Variants in KIRREL1 observed in about 807,000 individuals in gnomAD.
KIRREL1 encodes the protein kin of IRRE-like protein 1.
In KIRREL1, 25 loss-of-function variants were observed where a neutral mutation model predicts 83.3. The observed-to-expected ratio is 0.30, with a 90% CI of 0.22 to 0.42. The LOEUF (loss-of-function observed/expected upper bound fraction) is 0.42, where lower values mean the gene tolerates loss of function less well. KIRREL1 is among the 10% of genes least tolerant of loss of function. The pLI, the probability that KIRREL1 is intolerant of heterozygous loss-of-function variation, is 1.00. For missense variants in KIRREL1, 812 were observed against 1,032.3 expected (o/e 0.79, Z 2.92); for synonymous variants, 388 against 410.4 (o/e 0.95, Z 0.66).
intron 3 of KIRREL1, 113 bp downstream of exon 3, chr1:158,078,253 T>C (rs1199048926): frequency 1.7e-6 from 2 of 1,198,854 alleles, no homozygotes; most frequent in Non-Finnish European, 2.4e-6. Flanking sequence ...TCTCTGTTAC[T>C]GGCCTTATCC....
intron 1 of KIRREL1, among the ~76,000 whole-genome samples, chr1:158,056,447 C>T (rs902900360): frequency 2.0e-5 from 3 of 152,198 alleles, no homozygotes; most frequent in Non-Finnish European, 4.4e-5. Context: ...GGTGAGGGAG[C>T]AGGCCAAAGA....
intron 1 of KIRREL1, among the ~76,000 whole-genome samples, chr1:158,072,789 C>T (rs1254256988): frequency 6.6e-6 from 1 of 151,594 alleles, no homozygotes; most frequent in Non-Finnish European, 1.5e-5. Context: ...CATGTGGTGG[C>T]GAGGGGGATG....
chr1:158,032,764 C>A (rs1660363893), intron 1 of KIRREL1, among the ~76,000 whole-genome samples: 1 of 152,058 alleles, frequency 6.6e-6, no homozygotes, highest in Non-Finnish European at 1.5e-5. Flanking sequence ...TCCCCACTTT[C>A]TTTTTCTTTT....
intron 7 of KIRREL1, 63 bp downstream of exon 7, chr1:158,088,217 G>A: frequency 6.2e-7 from 1 of 1,612,634 alleles, no homozygotes; most frequent in Non-Finnish European, 8.5e-7. Context: ...GCCTTGGACA[G>A]AGTCGGGGAC....
intron 1 of KIRREL1, among the ~76,000 whole-genome samples, chr1:158,050,749 C>T (rs1481232752): frequency 6.6e-6 from 1 of 152,016 alleles, no homozygotes; most frequent in Admixed American, 6.5e-5. Context: ...GCTGTGTGAC[C>T]TCAGGAGATT....
At chr1:158,084,844 C>G (rs915169533) in intron 4 of KIRREL1, among the ~76,000 whole-genome samples, 2 of 152,170 alleles carry the variant, frequency 1.3e-5, no homozygotes, top group East Asian at 1.9e-4. Context: ...CTACTGTGTG[C>G]CAGACACCGT....
intron 10 of KIRREL1, among the ~76,000 whole-genome samples, chr1:158,091,109 T>C (rs942223804): frequency 2.6e-5 from 4 of 152,182 alleles, no homozygotes; most frequent in Non-Finnish European, 4.4e-5. Flanking sequence ...TTTGAAAGAA[T>C]CTCCCTAGGT....
In KIRREL1 at chr1:157,993,676, C is replaced by T; in HGVS notation, c.-1C>T. ...GGGCGGGCGCACGGCGGGCGGACAG[C>T]ATGCTGAGCCTCCTCGTCTGGATCC... is the stretch of plus-strand genomic sequence containing the variant. On this transcript the variant is annotated 5_prime_UTR_variant, in exon 1 of 15. Coordinates refer to ENST00000359209, the MANE Select transcript of KIRREL1 (RefSeq NM_018240.7). 6.7e-7 allele frequency: 1 copy of T among 1,484,376 alleles called. No individual in the cohort carries two copies. Among genetic ancestry groups the T allele is most frequent in the Non-Finnish European group, 9.0e-7 (1 of 1,115,638 alleles). 92.0% of individuals were successfully genotyped at this position (1,484,376 alleles called of 1,614,324 possible).
chr1:157,996,072 T>C (rs959097752), intron 1 of KIRREL1, among the ~76,000 whole-genome samples: 1 of 66,420 alleles, frequency 1.5e-5, no homozygotes, highest in Non-Finnish European at 2.9e-5. Context: ...GGAGGAATGA[T>C]GGTGGGGGAA....
At chr1:158,021,479 G>C (rs11264874) in intron 1 of KIRREL1, among the ~76,000 whole-genome samples, 22,985 of 152,090 alleles carry the variant, frequency 0.15, 2,463 homozygotes, top group African/African-American at 0.3. Context: ...ACTTTGAACA[G>C]GTTGCTTAAC....
chr1:158,009,553 T>A (rs1659610601), intron 1 of KIRREL1, among the ~76,000 whole-genome samples: 1 of 152,108 alleles, frequency 6.6e-6, no homozygotes, highest in South Asian at 2.1e-4. Context: ...TTAACAAGTT[T>A]GTGAGGGAGG....
Position 158,100,257 on chromosome 1 carries a change from A to G in KIRREL1, c.*5137A>G, listed in dbSNP as rs1490117265. 6.6e-6 allele frequency: 1 copy of G among 150,870 alleles called. No homozygotes were observed. Among genetic ancestry groups the G allele is most frequent in the African/African-American group, 2.4e-5 (1 of 41,228 alleles). 9.3% of individuals were successfully genotyped at this position (150,870 alleles called of 1,614,324 possible). A position where few individuals can be genotyped will look rare whatever the true frequency, so the allele number is the denominator to read the frequency against. ...ATATATATAAATATAAATGTTTTAA[A>G]AAGTACCATGTTTTGTGTTATTTAA... On this transcript the variant is annotated 3_prime_UTR_variant, in exon 15 of 15. Transcript: ENST00000359209.
intron 1 of KIRREL1, among the ~76,000 whole-genome samples, chr1:158,059,702 G>A (rs917243744): frequency 6.6e-6 from 1 of 152,106 alleles, no homozygotes; most frequent in African/African-American, 2.4e-5. Context: ...GCAGGGGTGG[G>A]GGCTCAGGCT....
chr1:158,057,124 C>T (rs1455928845), intron 1 of KIRREL1, among the ~76,000 whole-genome samples: 1 of 152,134 alleles, frequency 6.6e-6, no homozygotes, highest in East Asian at 1.9e-4. Flanking sequence ...CCTTTGGGGG[C>T]TCTCAGGAGT....
chr1:158,019,027 C>G (rs947084513), intron 1 of KIRREL1, among the ~76,000 whole-genome samples: 16 of 152,166 alleles, frequency 1.1e-4, no homozygotes, highest in African/African-American at 2.9e-4. Context: ...GTTTCTCTGG[C>G]TTGAACCAAG....
intron 1 of KIRREL1, among the ~76,000 whole-genome samples, chr1:158,031,359 A>G (rs755002723): frequency 6.6e-6 from 1 of 152,066 alleles, no homozygotes; most frequent in Non-Finnish European, 1.5e-5. Context: ...ACACACATGC[A>G]CACACACGCA....
At chr1:158,035,296 G>A (rs1387353265) in intron 1 of KIRREL1, among the ~76,000 whole-genome samples, 2 of 152,186 alleles carry the variant, frequency 1.3e-5, no homozygotes, top group African/African-American at 4.8e-5. Flanking sequence ...AGAGAAGTGA[G>A]GTCCAGATGC....
rs147920789 is a variant in KIRREL1, at chr1:158,049,005, C to T, written c.53-27108C>T. Among the ~76,000 whole-genome samples, 3 of 152,136 alleles carry T rather than the reference C, an allele frequency of 2.0e-5. No homozygotes were observed. In the East Asian group the frequency reaches 5.8e-4, roughly 29 times the overall value. On this transcript the variant is annotated intron_variant, in intron 1 of 14. Coordinates refer to ENST00000359209, the MANE Select transcript of KIRREL1 (RefSeq NM_018240.7). ...AGAGAAGCAGTCAGGTGGGGCTTATCGGGAAAGGCTTTCTGGAAGAGGGAG... is the reference window on the plus strand; with the variant it reads ...AGAGAAGCAGTCAGGTGGGGCTTATTGGGAAAGGCTTTCTGGAAGAGGGAG...
chr1:158,019,982 C>G (rs1265395641), intron 1 of KIRREL1, among the ~76,000 whole-genome samples: 3 of 151,956 alleles, frequency 2.0e-5, no homozygotes, highest in Non-Finnish European at 4.4e-5. Flanking sequence ...AGCATTTTTC[C>G]CAGGGTGAAT....
Sources: gnomAD v4.1 joint callset for allele counts (sites outside exome capture counted in the v4.1 genomes callset) on GRCh38, gnomAD v4.1.1 for gene constraint, MANE v1.5 for transcripts, NCBI Gene and HGNC (gene_info 2026-07-23, HGNC 2026-07-21) for gene names.